Variants in CD207 observed in about 807,000 individuals in gnomAD.
The protein encoded by CD207 is CD207 molecule.
CD207 carries 28 observed loss-of-function variants against 31.6 expected under a neutral mutation model. That is an observed-to-expected ratio of 0.89 (90% confidence interval 0.66 to 1.21). The LOEUF (loss-of-function observed/expected upper bound fraction) is 1.21, where lower values mean the gene tolerates loss of function less well. Ranked by LOEUF, CD207 falls within the 50% of genes most tolerant of loss-of-function variation. The probability of loss-of-function intolerance (pLI) is 0.00; values close to 1 mark genes in which losing one functional copy is unlikely to be tolerated. For missense variants in CD207, 388 were observed against 397.8 expected, an observed-to-expected ratio of 0.98 and a Z score of 0.21; for synonymous variants, 168 against 153.9, an observed-to-expected ratio of 1.09 and a Z score of -0.68.
chr2:70,824,448 G>T, the CD207 span, among the ~76,000 whole-genome samples: 3 of 151,798 alleles, frequency 2.0e-5, no homozygotes, highest in Non-Finnish European at 4.4e-5. Flanking sequence ...AGGCAATGAT[G>T]TTCAAATAGC....
chr2:70,834,555 A>G (rs1553400612), intron 2 of CD207, among the ~76,000 whole-genome samples: 1 of 152,166 alleles, frequency 6.6e-6, no homozygotes, highest in African/African-American at 2.4e-5. Flanking sequence ...TCCAGAGAAC[A>G]TGGAAGAGGA....
chr2:70,827,128 C>T (rs985715737), downstream of CD207, among the ~76,000 whole-genome samples: 5 of 152,146 alleles, frequency 3.3e-5, no homozygotes, highest in African/African-American at 9.7e-5. Context: ...TCTCTTTCCT[C>T]GTCTGTGTCC....
In CD207 at chr2:70,833,981, T is replaced by C. The variant is rs1677544609; in HGVS notation, c.230A>G (p.Asn77Ser). The change falls in exon 3 of 6, where the codon AAT becomes AGT. Residue 77 changes from asparagine (N) to serine (S), a missense_variant. Coordinates refer to ENST00000410009, the MANE Select transcript of CD207 (RefSeq NM_015717.5). ...CACACGACCTTTCAGCAACTGGACA[T>C]TGGTCTTTACATCTGATATGGTGCC... ...FMGTISDVKT[N>S]VQLLKGRVDN... 1 of 1,531,116 alleles carries C rather than the reference T, an allele frequency of 6.5e-7. No homozygotes were observed. Among genetic ancestry groups the C allele is most frequent in the Non-Finnish European group, 8.8e-7 (1 of 1,140,654 alleles). The allele number at this position is 1,531,116 out of a possible 1,614,324, so 94.8% of individuals were successfully genotyped here. A position where few individuals can be genotyped will look rare whatever the true frequency, so the allele number is the denominator to read the frequency against.
chr2:70,832,678 G>A (rs143527696), intron 4 of CD207, among the ~76,000 whole-genome samples: 1 of 152,312 alleles, frequency 6.6e-6, no homozygotes, highest in South Asian at 2.1e-4. Context: ...AGCAATTGTG[G>A]AGACATATTA....
chr2:70,831,583 C>A, intron 5 of CD207, 118 bp downstream of exon 5: 1 of 739,512 alleles, frequency 1.4e-6, no homozygotes, highest in South Asian at 1.5e-5. Context: ...GTTCCTGTCA[C>A]TCTAAGACAG....
At chr2:70,825,532 T>C (rs986692535), downstream of CD207, among the ~76,000 whole-genome samples, 2 of 152,162 alleles carry the variant, frequency 1.3e-5, no homozygotes, top group Admixed American at 6.5e-5. Context: ...TATTCTATAA[T>C]ATAAAGTTTT....
rs1677535813 is a variant in CD207 at position 70,833,735 on chromosome 2, C to G, written c.476G>C (p.Ser159Thr). The change falls in exon 3 of 6, where the codon AGT becomes ACT. Residue 159 changes from serine (S) to threonine (T), a missense_variant. Ser to Thr is a moderately conservative substitution (Grantham distance 58). Transcript: ENST00000410009. ...TLNAQIPELK[S>T]DLEKASALNT... is the part of the protein sequence containing the mutation. ...TAAAGCACTGGCTTTCTCCAAATCA[C>G]TTTTTAACTCTGGGATTTGGGCATT... 1 of 1,614,054 alleles carries G rather than the reference C, an allele frequency of 6.2e-7. No homozygotes were observed. The highest frequency in any genetic ancestry group is 2.2e-5 in the East Asian group (1 of 44,892).
chr2:70,835,449 CAG>C, intron 2 of CD207, 40 bp downstream of exon 2: 5 of 1,459,200 alleles, frequency 3.4e-6, no homozygotes, highest in Non-Finnish European at 3.8e-6. Flanking sequence ...CGGCTGGCCA[CAG>C]AGAGGGGCTA....
rs79233139 is a variant in CD207 at position 70,834,378 on chromosome 2, G to C, written c.191-358C>G. On this transcript the variant is annotated intron_variant, in intron 2 of 5. Coordinates refer to ENST00000410009, the MANE Select transcript of CD207 (RefSeq NM_015717.5). Reference sequence around the variant, plus strand: ...GGTGCCCTCCATGAGCCCCACCACTGTCCCCAGAACTTGATTCCCCCTAGA... The same window carrying C: ...GGTGCCCTCCATGAGCCCCACCACTCTCCCCAGAACTTGATTCCCCCTAGA... Among the ~76,000 whole-genome samples, 1,359 of 152,058 alleles carry C rather than the reference G, an allele frequency of 8.9e-3. 25 individuals are homozygous for C. The highest frequency in any genetic ancestry group is 0.029 in the African/African-American group (1,210 of 41,476).
rs782200265 is a variant in CD207 at position 70,835,564 on chromosome 2, T to C, written c.117A>G (p.Thr39=). The C allele has an allele frequency of 2.5e-6, 4 of 1,613,684 alleles. No individual in the cohort carries two copies. Among genetic ancestry groups the C allele is most frequent in the Non-Finnish European group, 3.4e-6 (4 of 1,179,854 alleles). The change falls in exon 2 of 6, where the codon ACA becomes ACG. Residue 39 remains threonine, a synonymous_variant. Transcript: ENST00000410009. The part of the protein sequence containing the change: ...KSGPSLVPGK[T]PTVRAALICL... ...AGATTAATGCAGCACGGACTGTGGG[T>C]GTTTTCCCCGGGACCAGAGATGGAC...
downstream of CD207, among the ~76,000 whole-genome samples, chr2:70,826,248 T>G (rs12991771): frequency 0.6 from 91,705 of 151,782 alleles, 28,184 homozygotes; most frequent in Middle Eastern, 0.7. Context: ...AATGCTCCAA[T>G]AACGGCAGCA....
At chr2:70,833,141 C>A in intron 3 of CD207, 90 bp from the exon 4 acceptor site, 1 of 1,277,206 alleles carries the variant, frequency 7.8e-7, no homozygotes, top group Non-Finnish European at 1.1e-6. Flanking sequence ...GTCTCAGAGA[C>A]AGCAGCAAAT....
the CD207 span, among the ~76,000 whole-genome samples, chr2:70,824,593 T>G: frequency 1.2e-5 from 1 of 83,948 alleles, no homozygotes; most frequent in Admixed American, 1.9e-4. Context: ...CATCTTGTAG[T>G]ACCAGAAAGT....
rs782103951 is a variant in CD207 at position 70,835,691 on chromosome 2, C to T, written c.73+13G>A. The T allele has an allele frequency of 1.7e-5, 28 of 1,613,156 alleles. No individual in the cohort carries two copies. The highest frequency in any genetic ancestry group is 3.3e-5 in the Admixed American group (2 of 59,942). ...AGAACACGGAGCAGGTTCTCAGCAG[C>T]GATGTGGCTTGCCTCGGGGCCAGAG... On this transcript the variant is annotated intron_variant, in intron 1 of 5. Coordinates refer to ENST00000410009, the MANE Select transcript of CD207 (RefSeq NM_015717.5).
rs368757763 is a variant in CD207, at chr2:70,835,562, G to A, written c.119C>T (p.Pro40Leu). ...SGPSLVPGKT[P>L]TVRAALICLT... The stretch of plus-strand genomic sequence containing the variant: ...GCAGATTAATGCAGCACGGACTGTG[G>A]GTGTTTTCCCCGGGACCAGAGATGG... The change falls in exon 2 of 6, where the codon CCC becomes CTC. Residue 40 changes from proline (P) to leucine (L), a missense_variant. Transcript: ENST00000410009. 1 of 1,614,022 alleles carries A rather than the reference G, an allele frequency of 6.2e-7. No individual in the cohort carries two copies.
downstream of CD207, among the ~76,000 whole-genome samples, chr2:70,826,271 T>C (rs1677340360): frequency 6.6e-6 from 1 of 152,200 alleles, no homozygotes; most frequent in Non-Finnish European, 1.5e-5. Context: ...AAATCTAGTC[T>C]GAGCTCTGAA....
downstream of CD207, among the ~76,000 whole-genome samples, chr2:70,825,351 G>A (rs1677319038): frequency 6.6e-6 from 1 of 152,044 alleles, no homozygotes; most frequent in South Asian, 2.1e-4. Context: ...AGGATGTTAG[G>A]GGAAAACCAA....
chr2:70,835,717 G>A lies in CD207; in HGVS notation c.60C>T (p.Ser20=), dbSNP rs782532261. 6.2e-7 allele frequency: 1 copy of A among 1,613,434 alleles called. No individual in the cohort carries two copies. The highest frequency in any genetic ancestry group is 1.1e-5 in the South Asian group (1 of 90,914). The change falls in exon 1 of 6, where the codon TCC becomes TCT. Residue 20 remains serine, a synonymous_variant. Coordinates refer to ENST00000410009, the MANE Select transcript of CD207 (RefSeq NM_015717.5). ...GATGTGGCTTGCCTCGGGGCCAGAG[G>A]GAGATGTTCTGTTTGTCCACAGTGA... ...AHFTVDKQNI[S]LWPREPPPKS...
intron 2 of CD207, among the ~76,000 whole-genome samples, 178 bp from the exon 3 acceptor site, chr2:70,834,198 G>A (rs544983849): frequency 6.6e-6 from 1 of 152,118 alleles, no homozygotes; most frequent in African/African-American, 2.4e-5. Flanking sequence ...AACGTGCAAT[G>A]GGCACCTACC....
Sources: gnomAD v4.1 joint callset for allele counts (sites outside exome capture counted in the v4.1 genomes callset) on GRCh38, gnomAD v4.1.1 for gene constraint, MANE v1.5 for transcripts, NCBI Gene and HGNC (gene_info 2026-07-23, HGNC 2026-07-21) for gene names.